The following KCNH1 variants were observed in gnomAD, a reference collection of about 807,000 sequenced individuals.
KCNH1 encodes potassium voltage-gated channel subfamily H member 1.
Under a neutral mutation model 69.2 loss-of-function variants are expected in KCNH1, and 27 were observed. That is an observed-to-expected ratio of 0.39 (90% CI 0.29 to 0.54). The LOEUF (loss-of-function observed/expected upper bound fraction) is 0.54. Ranked by LOEUF, KCNH1 falls within the 20% of genes least tolerant of loss-of-function variation. The pLI is 0.68. For missense variants in KCNH1, 798 were observed against 1,261.6 expected, an observed-to-expected ratio of 0.63 and a Z score of 5.57; for synonymous variants, 456 against 487.7, an observed-to-expected ratio of 0.93 and a Z score of 0.86.
intron 1 of KCNH1, among the ~76,000 whole-genome samples, chr1:211,123,184 T>C (rs959655044): frequency 6.6e-5 from 10 of 152,126 alleles, no homozygotes; most frequent in African/African-American, 2.2e-4. Flanking sequence ...AAACTCCATG[T>C]CCTACCCCCT....
At chr1:211,104,173 C>A (rs879559570) in intron 2 of KCNH1, among the ~76,000 whole-genome samples, 17 of 152,064 alleles carry the variant, frequency 1.1e-4, no homozygotes, top group Non-Finnish European at 2.1e-4. Context: ...TAAACAGAGG[C>A]AAGATCATGG....
chr1:211,051,974 G>GA (rs5780622), intron 5 of KCNH1, among the ~76,000 whole-genome samples: 145 of 149,178 alleles, frequency 9.7e-4, no homozygotes, highest in African/African-American at 2.7e-3. Context: ...GAAAGAAAAA[G>GA]AAAAAAAAAA....
At chr1:210,987,242 C>T (rs998131842) in intron 6 of KCNH1, among the ~76,000 whole-genome samples, 2 of 152,166 alleles carry the variant, frequency 1.3e-5, no homozygotes, top group Non-Finnish European at 2.9e-5. Flanking sequence ...CCTCCTTTAG[C>T]TCGGAGTAGT....
intron 5 of KCNH1, among the ~76,000 whole-genome samples, chr1:211,037,213 C>G (rs1689914999): frequency 6.6e-6 from 1 of 152,078 alleles, no homozygotes; most frequent in African/African-American, 2.4e-5. Context: ...ATGACTCACC[C>G]TGAGTCATGC....
chr1:210,988,056 T>C (rs1181759211), intron 6 of KCNH1, among the ~76,000 whole-genome samples: 2 of 152,138 alleles, frequency 1.3e-5, no homozygotes, highest in African/African-American at 4.8e-5. Context: ...ATGAGTGAGA[T>C]TCTGTGGGTG....
rs1553376606 is a variant in KCNH1, at chr1:211,070,422, A to ACACAC, written c.558+12357_558+12358insGTGTG. ...GACAGAGCGAGACTCCACCTTTAAA[A>ACACAC]AAAAAAAAACACACACACACACACA... On this transcript the variant is annotated intron_variant, in intron 5 of 10. Coordinates refer to ENST00000271751, the MANE Select transcript of KCNH1 (RefSeq NM_172362.3). Among the ~76,000 whole-genome samples the ACACAC allele has an allele frequency of 8.8e-5, 8 of 90,610 alleles. No individual in the cohort carries two copies. The South Asian group carries it at 2.2e-3, about 25-fold the overall frequency. 59.4% of individuals were successfully genotyped at this position (90,610 alleles called of 152,430 possible).
At chr1:210,746,168 A>G (rs1301555953) in intron 10 of KCNH1, among the ~76,000 whole-genome samples, 1 of 152,010 alleles carries the variant, frequency 6.6e-6, no homozygotes, top group Admixed American at 6.6e-5. Flanking sequence ...CTCCAGGGGC[A>G]CCCTTCTTTT....
chr1:211,031,217 C>T (rs1238550009), intron 5 of KCNH1, among the ~76,000 whole-genome samples: 4 of 152,154 alleles, frequency 2.6e-5, no homozygotes, highest in African/African-American at 9.7e-5. Flanking sequence ...TCTGAACAGA[C>T]CAGTAACAGA....
intron 5 of KCNH1, among the ~76,000 whole-genome samples, chr1:211,058,215 A>T (rs1690350685): frequency 6.6e-6 from 1 of 152,228 alleles, no homozygotes; most frequent in Non-Finnish European, 1.5e-5. Context: ...AACACTAAAG[A>T]GAGTCCTTCA....
At chr1:211,088,968 G>C (rs966154087) in intron 4 of KCNH1, among the ~76,000 whole-genome samples, 1 of 152,030 alleles carries the variant, frequency 6.6e-6, no homozygotes, top group African/African-American at 2.4e-5. Flanking sequence ...CCCTCTTCAG[G>C]TTTCATGAGC....
chr1:210,943,067 A>G (rs951771708), intron 6 of KCNH1, among the ~76,000 whole-genome samples: 2 of 152,214 alleles, frequency 1.3e-5, no homozygotes, highest in African/African-American at 4.8e-5. Flanking sequence ...TTCAATTCTC[A>G]CAACTATCCT....
At chr1:211,017,433 T>C (rs1459896327) in intron 6 of KCNH1, among the ~76,000 whole-genome samples, 1 of 152,130 alleles carries the variant, frequency 6.6e-6, no homozygotes, top group Non-Finnish European at 1.5e-5. Flanking sequence ...CTTGGCTTCC[T>C]AGATTACCCA....
At chr1:211,068,153 TTG>T (rs1690568065) in intron 5 of KCNH1, among the ~76,000 whole-genome samples, 1 of 152,330 alleles carries the variant, frequency 6.6e-6, no homozygotes. Context: ...CACCTGTGCT[TTG>T]TGTCAATTTT....
At position 210,692,460 on chromosome 1, in the gene KCNH1, A is replaced by G. The variant is rs78890456; in HGVS notation, c.2113-8322T>C. 5.3e-5 allele frequency among the ~76,000 whole-genome samples: 8 copies of G among 152,248 alleles called. No homozygotes were observed. The East Asian group carries it at 1.5e-3, about 29-fold the overall frequency. ...CCTCCGGCATTTCACTAGGGGCCAC[A>G]TTTGTCACCTTCTCCTTGTTTTGTG... On this transcript the variant is annotated intron_variant, in intron 10 of 10. Coordinates refer to ENST00000271751, the MANE Select transcript of KCNH1 (RefSeq NM_172362.3).
intron 7 of KCNH1, among the ~76,000 whole-genome samples, chr1:210,865,028 A>G (rs1392615855): frequency 6.6e-6 from 1 of 152,218 alleles, no homozygotes; most frequent in African/African-American, 2.4e-5. Flanking sequence ...ATGACCTTTG[A>G]TGACTTAGCC....
At chr1:210,945,727 G>A (rs61848999) in intron 6 of KCNH1, among the ~76,000 whole-genome samples, 6,940 of 152,182 alleles carry the variant, frequency 0.046, 265 homozygotes, top group South Asian at 0.14. Context: ...AGACACATTG[G>A]GTACCCTTCC....
chr1:210,876,586 C>T (rs932513415), intron 7 of KCNH1, among the ~76,000 whole-genome samples: 1 of 152,264 alleles, frequency 6.6e-6, no homozygotes, highest in Admixed American at 6.5e-5. Context: ...ATGCTCTTCT[C>T]CCTACATCTA....
At chr1:210,984,330 G>C (rs1198568093) in intron 6 of KCNH1, among the ~76,000 whole-genome samples, 1 of 152,198 alleles carries the variant, frequency 6.6e-6, no homozygotes, top group African/African-American at 2.4e-5. Context: ...AGTGGTGAGA[G>C]AGGGCATCCC....
intron 10 of KCNH1, among the ~76,000 whole-genome samples, chr1:210,739,001 A>C (rs1279993044): frequency 6.6e-6 from 1 of 152,194 alleles, no homozygotes; most frequent in Non-Finnish European, 1.5e-5. Flanking sequence ...TAATAACTGC[A>C]ATTGATAGGC....
Sources: gnomAD v4.1 joint callset for allele counts (sites outside exome capture counted in the v4.1 genomes callset) on GRCh38, gnomAD v4.1.1 for gene constraint, MANE v1.5 for transcripts, NCBI Gene and HGNC (gene_info 2026-07-23, HGNC 2026-07-21) for gene names.